MMEL1: variants seen among roughly 807,000 people sequenced by gnomAD.
MMEL1 encodes membrane metallo-endopeptidase-like 1.
In MMEL1, 98 loss-of-function variants were observed where a neutral mutation model predicts 117.1. The ratio of observed to expected loss-of-function variants is 0.84; its 90% CI spans 0.71 to 0.99. The LOEUF is 0.99. Ranked by LOEUF, MMEL1 falls within the 50% of genes least tolerant of loss-of-function variation. The pLI is 0.00. For missense variants in MMEL1, 1,014 were observed against 1,049.1 expected (o/e 0.97, Z 0.46); for synonymous variants, 390 against 415.1 (o/e 0.94, Z 0.74).
At chr1:2,619,289 T>C (rs1645253453) in intron 2 of MMEL1, among the ~76,000 whole-genome samples, 1 of 152,216 alleles carries the variant, frequency 6.6e-6, no homozygotes. Flanking sequence ...TTTATGCCAG[T>C]GAGTGTTGGG....
chr1:2,629,402 C>T lies in MMEL1; in HGVS notation c.83G>A (p.Gly28Glu), dbSNP rs780812154. The change falls in exon 2 of 24, where the codon GGG becomes GAG. Residue 28 changes from glycine (G) to glutamate (E), a missense_variant. Transcript: ENST00000378412. ...CACCAGCAGCAGCAGCAGCAGCAGC[C>T]CCCCCTCCAGGAACCCCGGGCGCTT... ...GQKRPGFLEG[G>E]LLLLLLLVTA... 1.9e-6 allele frequency: 3 copies of T among 1,546,454 alleles called. No homozygotes were observed. The highest frequency in any genetic ancestry group is 2.4e-5 in the South Asian group (2 of 83,988).
chr1:2,630,954 C>A (rs952848936), intron 1 of MMEL1, among the ~76,000 whole-genome samples: 1 of 148,786 alleles, frequency 6.7e-6, no homozygotes, highest in Non-Finnish European at 1.5e-5. Flanking sequence ...CACGTGTGTG[C>A]GTGTACGCTC....
chr1:2,603,862 C>T (rs1430916336), intron 11 of MMEL1, 22 bp downstream of exon 11: 1 of 1,611,134 alleles, frequency 6.2e-7, no homozygotes, highest in Admixed American at 1.7e-5. Flanking sequence ...CAGTGCCGGC[C>T]TCCTGTGTGG....
At position 2,613,760 on chromosome 1, in the gene MMEL1, A is replaced by T. The variant is rs887572266; in HGVS notation, c.155-1556T>A. On this transcript the variant is annotated intron_variant, in intron 2 of 23. Transcript: ENST00000378412. ...CAGCTACTTGGGAGGCTGAGGTGGG[A>T]GGACTGCTTGAGCCCGGGAGGTTGA... Among the ~76,000 whole-genome samples the T allele has an allele frequency of 2.0e-5, 3 of 152,224 alleles. No individual in the cohort carries two copies. In the East Asian group the frequency reaches 5.8e-4, roughly 29 times the overall value.
rs942975460 is a variant in MMEL1, at chr1:2,611,132, C to T, written c.292+149G>A. 6.8e-5 allele frequency: 51 copies of T among 747,074 alleles called. No individual in the cohort carries two copies. The African/African-American group carries it at 8.5e-4, about 12-fold the overall frequency. The allele number at this position is 747,074 out of a possible 1,614,324, so 46.3% of individuals were successfully genotyped here. On this transcript the variant is annotated intron_variant, in intron 4 of 23. Transcript: ENST00000378412. Reference sequence around the variant, plus strand: ...CCAGAAACACCAGCTCCGCCCGCTCCACAGCGAGTCCGAGTCCGGCCCACC... The same window carrying T: ...CCAGAAACACCAGCTCCGCCCGCTCTACAGCGAGTCCGAGTCCGGCCCACC...
intron 11 of MMEL1, among the ~76,000 whole-genome samples, chr1:2,600,586 G>A (rs1557529219): frequency 6.6e-6 from 1 of 151,974 alleles, no homozygotes; most frequent in South Asian, 2.1e-4. Flanking sequence ...TCCTGTGGTC[G>A]CAGCTACTCA....
Position 2,606,964 on chromosome 1 carries a change from C to CCG in MMEL1, c.631+8_631+9dup. 3.7e-6 allele frequency: 6 copies of CCG among 1,610,698 alleles called. No homozygotes were observed. In the South Asian group the frequency reaches 6.6e-5, roughly 18 times the overall value. On this transcript the variant is annotated intron_variant, in intron 7 of 23. Coordinates refer to ENST00000378412, the MANE Select transcript of MMEL1 (RefSeq NM_033467.4). ...TCTGTCTGTGAGGCTGCTGCCAGGC[C>CCG]CGGCCTTACCTACGGTCTCGTTCCA... is the stretch of plus-strand genomic sequence containing the variant.
chr1:2,599,590 G>A (rs1644898258), intron 11 of MMEL1, among the ~76,000 whole-genome samples: 1 of 152,230 alleles, frequency 6.6e-6, no homozygotes. Flanking sequence ...AGCCACAGTG[G>A]CTCACGCCTG....
chr1:2,627,114 C>G (rs1016013850), intron 2 of MMEL1, among the ~76,000 whole-genome samples: 3 of 152,192 alleles, frequency 2.0e-5, no homozygotes, highest in Non-Finnish European at 4.4e-5. Context: ...AGGCAAAAAG[C>G]CTTGTTAAGT....
At chr1:2,600,759 A>T (rs1408553631) in intron 11 of MMEL1, among the ~76,000 whole-genome samples, 1 of 152,202 alleles carries the variant, frequency 6.6e-6, no homozygotes, top group African/African-American at 2.4e-5. Flanking sequence ...TTATTCTACA[A>T]ATAAATAACC....
intron 8 of MMEL1, 108 bp from the exon 9 acceptor site, chr1:2,605,731 G>T: frequency 2.5e-6 from 2 of 787,776 alleles, no homozygotes; most frequent in Non-Finnish European, 4.2e-6. Flanking sequence ...GTGCACACGT[G>T]CTCTGCCCAG....
chr1:2,604,544 A>C (rs954136652), intron 9 of MMEL1, among the ~76,000 whole-genome samples: 2 of 152,144 alleles, frequency 1.3e-5, no homozygotes, highest in Non-Finnish European at 2.9e-5. Flanking sequence ...AAGGGTTTGC[A>C]CAGGTGGGTG....
At chr1:2,625,378 CG>C (rs1364168954) in intron 2 of MMEL1, among the ~76,000 whole-genome samples, 2 of 152,212 alleles carry the variant, frequency 1.3e-5, no homozygotes. Context: ...CAGTGTCGAG[CG>C]GGGTCCAGAA....
At chr1:2,598,902 A>AT in intron 11 of MMEL1, 112 bp from the exon 12 acceptor site, 1 of 866,918 alleles carries the variant, frequency 1.2e-6, no homozygotes. Flanking sequence ...ATAAGAGAGA[A>AT]GTGCAGGTAA....
chr1:2,629,670 G>GGTT, intron 1 of MMEL1, 149 bp from the exon 2 acceptor site: 1 of 659,092 alleles, frequency 1.5e-6, no homozygotes, highest in Non-Finnish European at 2.4e-6. Flanking sequence ...CACAACCCTG[G>GGTT]GTGACTGGGT....
At position 2,591,588 on chromosome 1, in the gene MMEL1, T is replaced by A. The variant is rs1266391070; in HGVS notation, c.2209A>T (p.Lys737Ter). Residue 737 changes from lysine to a stop codon, truncating the protein, a stop_gained, in exon 23 of 24, where the codon AAG (lysine) becomes TAG (stop). Transcript: ENST00000378412. LOFTEE classifies it high-confidence loss of function. ...TTCAGGGGACTGTGGACGTCTGTCT[T>A]GATGGATTGGATGGCGAACTCGGGC... ...YRPEFAIQSIKTDVHSPLKYR... is the reference protein window; with the variant it reads ...YRPEFAIQSI The A allele has an allele frequency of 6.2e-7, 1 of 1,613,116 alleles. No individual in the cohort carries two copies. Among genetic ancestry groups the A allele is most frequent in the South Asian group, 1.1e-5 (1 of 91,072 alleles).
At chr1:2,600,383 G>T (rs1450842087) in intron 11 of MMEL1, among the ~76,000 whole-genome samples, 1 of 151,826 alleles carries the variant, frequency 6.6e-6, no homozygotes, top group Non-Finnish European at 1.5e-5. Flanking sequence ...ATGAAATAAA[G>T]CCAGTAAGAA....
At chr1:2,598,373 G>A (rs976198908) in intron 12 of MMEL1, 73 bp from the exon 13 acceptor site, 13 of 1,483,344 alleles carry the variant, frequency 8.8e-6, no homozygotes, top group Admixed American at 1.7e-5. Context: ...ATGGCTTAGG[G>A]CCCTTGGCCA....
At chr1:2,604,065 A>AC (rs1644979244) in intron 10 of MMEL1, 82 bp downstream of exon 10, 2 of 1,548,292 alleles carry the variant, frequency 1.3e-6, no homozygotes, top group African/African-American at 1.4e-5. Flanking sequence ...CCCACCCAGC[A>AC]CCCCCTCACC....
Sources: allele counts gnomAD v4.1 joint callset (sites outside exome capture counted in the v4.1 genomes callset), GRCh38; gene constraint gnomAD v4.1.1; transcripts MANE v1.5; gene names NCBI Gene and HGNC (gene_info 2026-07-23, HGNC 2026-07-21).